The following CNTNAP2 variants were observed in gnomAD, a reference collection of about 807,000 sequenced individuals.
The protein encoded by CNTNAP2 is contactin associated protein 2.
Under a neutral mutation model 155.2 loss-of-function variants are expected in CNTNAP2, and 98 were observed. That is an observed-to-expected ratio of 0.63 (90% CI 0.54 to 0.75). The LOEUF is 0.75. Among genes scored for constraint, CNTNAP2 ranks in the 30% least tolerant of loss-of-function variants. The pLI, the probability that CNTNAP2 is intolerant of heterozygous loss-of-function variation, is 0.00. For missense variants in CNTNAP2, 1,727 were observed against 1,688.1 expected, an observed-to-expected ratio of 1.02 and a Z score of -0.40; for synonymous variants, 651 against 631.2, an observed-to-expected ratio of 1.03 and a Z score of -0.47.
At chr7:148,197,194 G>A (rs1395530899) in intron 18 of CNTNAP2, among the ~76,000 whole-genome samples, 1 of 152,104 alleles carries the variant, frequency 6.6e-6, no homozygotes, top group Admixed American at 6.6e-5. Context: ...AGAAATGTGT[G>A]TCCCTGACGA....
intron 9 of CNTNAP2, among the ~76,000 whole-genome samples, chr7:147,356,410 A>T (rs1041572182): frequency 9.9e-5 from 15 of 152,120 alleles, no homozygotes; most frequent in African/African-American, 3.6e-4. Flanking sequence ...CCTATTCAAC[A>T]TAGTGTTGGA....
At chr7:148,334,509 G>A (rs1206303043) in intron 21 of CNTNAP2, among the ~76,000 whole-genome samples, 1 of 152,218 alleles carries the variant, frequency 6.6e-6, no homozygotes, top group Non-Finnish European at 1.5e-5. Flanking sequence ...CACTAGAAAA[G>A]TTAGGAAAAG....
chr7:147,358,452 A>G (rs1796096978), intron 9 of CNTNAP2, among the ~76,000 whole-genome samples: 1 of 152,146 alleles, frequency 6.6e-6, no homozygotes, highest in Admixed American at 6.6e-5. Flanking sequence ...ACATAAAGTA[A>G]ATTAATCATT....
At chr7:146,339,629 A>G (rs1801339183) in intron 1 of CNTNAP2, among the ~76,000 whole-genome samples, 1 of 152,164 alleles carries the variant, frequency 6.6e-6, no homozygotes, top group Admixed American at 6.5e-5. Context: ...AAGAATATCT[A>G]TTTAAATATA....
At chr7:147,262,755 G>A (rs902418348) in intron 8 of CNTNAP2, among the ~76,000 whole-genome samples, 8 of 152,126 alleles carry the variant, frequency 5.3e-5, no homozygotes, top group Non-Finnish European at 1.2e-4. Context: ...GCAGTGAGCC[G>A]AGATCGCGCC....
chr7:147,885,528 G>T (rs910486306), intron 13 of CNTNAP2, among the ~76,000 whole-genome samples: 23 of 150,628 alleles, frequency 1.5e-4, no homozygotes, highest in Admixed American at 7.9e-4. Context: ...CCGCCACCCC[G>T]CCCCATCTTG....
chr7:146,960,601 T>A (rs1473359195), intron 3 of CNTNAP2, among the ~76,000 whole-genome samples: 2 of 152,226 alleles, frequency 1.3e-5, no homozygotes, highest in East Asian at 3.8e-4. Context: ...AAGGATTTAT[T>A]CAAAAATTTA....
At chr7:146,872,162 ATTTTTTT>A (rs144291754) in intron 3 of CNTNAP2, among the ~76,000 whole-genome samples, 8,232 of 111,636 alleles carry the variant, frequency 0.074, 321 homozygotes, top group South Asian at 0.17. Context: ...AAATTATTGA[ATTTTTTT>A]TTTTTTTTTT....
Position 147,736,114 on chromosome 7 carries a change from C to T in CNTNAP2, c.2098+96808C>T, listed in dbSNP as rs998224505. ...GTTAGTTGATGCAGTTTCTTCCTAG[C>T]CTTGATGGTCTTTACAATTTGGCAT... On this transcript the variant is annotated intron_variant, in intron 13 of 23. Coordinates refer to ENST00000361727, the MANE Select transcript of CNTNAP2 (RefSeq NM_014141.6). Among the ~76,000 whole-genome samples, 3 of 151,340 alleles carry T rather than the reference C, an allele frequency of 2.0e-5. No homozygotes were observed. The Admixed American group carries it at 2.0e-4, about 10-fold the overall frequency.
In CNTNAP2 at chr7:146,436,564, A is replaced by G. The variant is rs34477524; in HGVS notation, c.97+319591A>G. 2.5e-3 allele frequency among the ~76,000 whole-genome samples: 381 copies of G among 152,340 alleles called. 1 individual carries two copies. Among genetic ancestry groups the G allele is most frequent in the Non-Finnish European group, 3.2e-3 (218 of 68,026 alleles). On this transcript the variant is annotated intron_variant, in intron 1 of 23. Transcript: ENST00000361727. ...ATAATTCACATACTTATAAAATACA[A>G]TAGGTAACATAAAGCAAAATGATAA... is the stretch of plus-strand genomic sequence containing the variant.
chr7:146,305,401 T>C (rs901674801), intron 1 of CNTNAP2, among the ~76,000 whole-genome samples: 3 of 152,160 alleles, frequency 2.0e-5, no homozygotes, highest in African/African-American at 7.2e-5. Flanking sequence ...TCTCCCCATC[T>C]TTGTGGTTTT....
intron 3 of CNTNAP2, among the ~76,000 whole-genome samples, chr7:146,978,397 A>G (rs1389873119): frequency 2.0e-5 from 3 of 152,150 alleles, no homozygotes; most frequent in African/African-American, 7.2e-5. Flanking sequence ...ACTCTTTCAA[A>G]TGACACCAGA....
intron 13 of CNTNAP2, among the ~76,000 whole-genome samples, chr7:147,707,154 A>G (rs1182986176): frequency 1.3e-5 from 2 of 152,040 alleles, no homozygotes; most frequent in African/African-American, 4.8e-5. Context: ...TATTGCCAGA[A>G]AATTCTTGTG....
intron 9 of CNTNAP2, among the ~76,000 whole-genome samples, chr7:147,343,639 T>C (rs763819583): frequency 1.3e-5 from 2 of 152,204 alleles, no homozygotes; most frequent in Non-Finnish European, 2.9e-5. Context: ...TTTAATTTTA[T>C]GAATAAGTTT....
At chr7:146,646,989 A>G (rs1799822688) in intron 1 of CNTNAP2, among the ~76,000 whole-genome samples, 1 of 152,150 alleles carries the variant, frequency 6.6e-6, no homozygotes. Flanking sequence ...CTTCAACCAA[A>G]AAGGCTCTGA....
chr7:147,693,269 T>A (rs1166105173), intron 13 of CNTNAP2, among the ~76,000 whole-genome samples: 1 of 152,106 alleles, frequency 6.6e-6, no homozygotes, highest in Non-Finnish European at 1.5e-5. Context: ...AAGTTTAAAC[T>A]TGGATAGTGT....
In CNTNAP2 at chr7:146,856,289, G is replaced by GATAC. The variant is rs1360164526; in HGVS notation, c.402+16388_402+16389insCATA. ...AGATAGATAGATAGATAGATAGATA[G>GATAC]ATAGATAGATACATACATACATACA... is the stretch of plus-strand genomic sequence containing the variant. On this transcript the variant is annotated intron_variant, in intron 3 of 23. Transcript: ENST00000361727. Among the ~76,000 whole-genome samples the GATAC allele has an allele frequency of 3.3e-3, 212 of 64,394 alleles. 1 individual carries two copies. The highest frequency in any genetic ancestry group is 0.015 in the Middle Eastern group (2 of 134). The allele number at this position is 64,394 out of a possible 152,430, so 42.2% of individuals were successfully genotyped here.
intron 3 of CNTNAP2, among the ~76,000 whole-genome samples, chr7:146,946,501 A>T (rs1208853024): frequency 6.6e-6 from 1 of 152,176 alleles, no homozygotes; most frequent in African/African-American, 2.4e-5. Context: ...ATTGAGCTTT[A>T]ATAACATTTT....
At chr7:148,158,221 G>GTTTTTTTTTTT (rs1562977677) in intron 17 of CNTNAP2, among the ~76,000 whole-genome samples, 14 of 63,126 alleles carry the variant, frequency 2.2e-4, no homozygotes, top group East Asian at 1.0e-3. Flanking sequence ...CAATGTTTGC[G>GTTTTTTTTTTT]CTTTTTTTTT....
Sources: gnomAD v4.1 joint callset for allele counts (sites outside exome capture counted in the v4.1 genomes callset) on GRCh38, gnomAD v4.1.1 for gene constraint, MANE v1.5 for transcripts, NCBI Gene and HGNC (gene_info 2026-07-23, HGNC 2026-07-21) for gene names.